Variants in AKT3 observed in about 807,000 individuals in gnomAD.
The protein encoded by AKT3 is AKT serine/threonine kinase 3.
In AKT3, 15 loss-of-function variants were observed where a neutral mutation model predicts 65.3. The observed-to-expected ratio is 0.23, with a 90% CI of 0.15 to 0.35. The LOEUF (loss-of-function observed/expected upper bound fraction) is 0.35, where lower values mean the gene tolerates loss of function less well. AKT3 is among the 10% of genes least tolerant of loss of function. The probability of loss-of-function intolerance (pLI) is 1.00; values close to 1 mark genes in which losing one functional copy is unlikely to be tolerated. For missense variants in AKT3, 243 were observed against 576.5 expected, an observed-to-expected ratio of 0.42 and a Z score of 5.92; for synonymous variants, 206 against 183.8, an observed-to-expected ratio of 1.12 and a Z score of -0.98.
In AKT3 at chr1:243,655,449, G is replaced by GT. The variant is rs142329695; in HGVS notation, c.284+9322dup. On this transcript the variant is annotated intron_variant, in intron 4 of 13. Transcript: ENST00000673466. ...TCCTATGAATATGATTCTATTGTCT[G>GT]TTTTTTTTTCCTCTATTATTTTGGC... 5.5e-3 allele frequency among the ~76,000 whole-genome samples: 829 copies of GT among 149,556 alleles called. 11 individuals carry two copies. Among genetic ancestry groups the GT allele is most frequent in the African/African-American group, 0.019 (779 of 40,830 alleles).
At chr1:243,829,746 T>C (rs1694385546) in intron 2 of AKT3, among the ~76,000 whole-genome samples, 2 of 152,212 alleles carry the variant, frequency 1.3e-5, no homozygotes, top group African/African-American at 2.4e-5. Flanking sequence ...CTTCACATAT[T>C]AGTGCTAGGA....
intron 2 of AKT3, among the ~76,000 whole-genome samples, chr1:243,703,450 G>C (rs1685592099): frequency 6.6e-6 from 1 of 152,056 alleles, no homozygotes; most frequent in Non-Finnish European, 1.5e-5. Flanking sequence ...TCATAACCAT[G>C]TTTTATTGAT....
At position 243,639,230 on chromosome 1, in the gene AKT3, T is replaced by C. The variant is rs570394946; in HGVS notation, c.430-1488A>G. On this transcript the variant is annotated intron_variant, in intron 5 of 13. Transcript: ENST00000673466. Reference sequence around the variant, plus strand: ...CCCATATTTATTAAGAAAAATTGAGTCTGTGGTTAAATACCTTTCATCAAA... The same window carrying C: ...CCCATATTTATTAAGAAAAATTGAGCCTGTGGTTAAATACCTTTCATCAAA... 8.5e-5 allele frequency among the ~76,000 whole-genome samples: 13 copies of C among 152,216 alleles called. No individual in the cohort carries two copies. The South Asian group carries it at 2.3e-3, about 27-fold the overall frequency.
downstream of AKT3, among the ~76,000 whole-genome samples, chr1:243,496,219 T>A (rs1315896495): frequency 2.6e-5 from 4 of 152,212 alleles, no homozygotes; most frequent in Admixed American, 2.6e-4. Context: ...GGAAATGAAC[T>A]TCTTCTCAGG....
At chr1:243,512,822 A>C (rs1267948936) in intron 12 of AKT3, among the ~76,000 whole-genome samples, 2 of 152,196 alleles carry the variant, frequency 1.3e-5, no homozygotes, top group Non-Finnish European at 2.9e-5. Context: ...GGGTAGTAAT[A>C]AAAATACAAC....
rs1312702277 is a variant in AKT3, at chr1:243,519,134, A to AATT, written c.1252-6711_1252-6709dup. ...ATCCACATCAATTTGCAAGGGAAAAAATTAATCTTGTTTGTGCCCTAATTC... is the reference window on the plus strand; with the variant it reads ...ATCCACATCAATTTGCAAGGGAAAAAATTATTAATCTTGTTTGTGCCCTAATTC... On this transcript the variant is annotated intron_variant, in intron 12 of 13. Transcript: ENST00000673466. Among the ~76,000 whole-genome samples the AATT allele has an allele frequency of 5.9e-5, 9 of 152,340 alleles. No individual in the cohort carries two copies. In the East Asian group the frequency reaches 1.3e-3, roughly 23 times the overall value.
chr1:243,691,616 GA>G (rs1276584603), intron 3 of AKT3, among the ~76,000 whole-genome samples: 2 of 151,114 alleles, frequency 1.3e-5, no homozygotes, highest in African/African-American at 4.9e-5. Context: ...ATGTGAAGGA[GA>G]AAAAAAAGGC....
intron 6 of AKT3, among the ~76,000 whole-genome samples, chr1:243,636,530 T>C (rs1679985268): frequency 6.6e-6 from 1 of 152,022 alleles, no homozygotes; most frequent in East Asian, 1.9e-4. Context: ...AATATTCCTG[T>C]CCAGAGGTTT....
chr1:243,510,764 T>C (rs900332039), intron 13 of AKT3, among the ~76,000 whole-genome samples: 1 of 152,188 alleles, frequency 6.6e-6, no homozygotes, highest in Non-Finnish European at 1.5e-5. Flanking sequence ...TGAGCAAGTT[T>C]GGATTTAGAG....
chr1:243,659,029 C>CAA (rs34859631), intron 4 of AKT3, among the ~76,000 whole-genome samples: 2 of 141,102 alleles, frequency 1.4e-5, no homozygotes, highest in African/African-American at 5.2e-5. Context: ...GACCTTGTCT[C>CAA]AAAAAAAAAA....
At chr1:243,770,232 A>T (rs1274401286) in intron 2 of AKT3, among the ~76,000 whole-genome samples, 1 of 152,188 alleles carries the variant, frequency 6.6e-6, no homozygotes, top group Non-Finnish European at 1.5e-5. Context: ...CACTCAATAA[A>T]GATTTGTGAG....
intron 8 of AKT3, among the ~76,000 whole-genome samples, chr1:243,602,422 G>A (rs951951689): frequency 3.3e-5 from 5 of 151,994 alleles, no homozygotes; most frequent in Non-Finnish European, 5.9e-5. Context: ...TGACAATAAA[G>A]ATGTTTATAT....
chr1:243,543,318 C>A (rs1249062394), intron 12 of AKT3, among the ~76,000 whole-genome samples: 1 of 152,142 alleles, frequency 6.6e-6, no homozygotes, highest in Non-Finnish European at 1.5e-5. Context: ...AATAGCTGAA[C>A]ACTGAGATAA....
At chr1:243,579,607 A>C (rs1675189113) in intron 8 of AKT3, among the ~76,000 whole-genome samples, 1 of 152,218 alleles carries the variant, frequency 6.6e-6, no homozygotes, top group Non-Finnish European at 1.5e-5. Context: ...CCTTTAAAAA[A>C]ATGGATGAGG....
chr1:243,553,001 T>C, intron 10 of AKT3, 58 bp from the exon 11 acceptor site: 1 of 1,311,140 alleles, frequency 7.6e-7, no homozygotes, highest in Non-Finnish European at 1.1e-6. Context: ...AAAGCATTAT[T>C]CATAAAACAT....
chr1:243,843,186 A>G lies in AKT3; in HGVS notation c.-16T>C, dbSNP rs1239966386. 1 of 1,611,356 alleles carries G rather than the reference A, an allele frequency of 6.2e-7. No homozygotes were observed. Among genetic ancestry groups the G allele is most frequent in the Non-Finnish European group, 8.5e-7 (1 of 1,178,700 alleles). On this transcript the variant is annotated 5_prime_UTR_variant, in exon 2 of 14. Coordinates refer to ENST00000673466, the MANE Select transcript of AKT3 (RefSeq NM_005465.7). ...CATCGCTCATGATGACTCCCCTCTG[A>G]GCCCCCAACTTGGAGAAATGGTACT...
chr1:243,799,179 T>C (rs556586728), intron 2 of AKT3, among the ~76,000 whole-genome samples: 2 of 152,086 alleles, frequency 1.3e-5, no homozygotes, highest in East Asian at 1.9e-4. Flanking sequence ...AATGGGGCTG[T>C]GGAAGGTAGG....
intron 12 of AKT3, among the ~76,000 whole-genome samples, chr1:243,521,262 C>G (rs1670701918): frequency 1.3e-5 from 2 of 152,134 alleles, no homozygotes; most frequent in Admixed American, 1.3e-4. Context: ...TAGATGTTTG[C>G]AGTAAAGAAT....
rs528120936 is a variant in AKT3, at chr1:243,577,809, CAG to C, written c.697-4763_697-4762del. Among the ~76,000 whole-genome samples the C allele has an allele frequency of 1.4e-3, 218 of 151,972 alleles. 1 individual carries two copies. Among genetic ancestry groups the C allele is most frequent in the Admixed American group, 0.011 (162 of 15,262 alleles). Reference sequence around the variant, plus strand: ...AGCCATCTGACAAAGGTCTAATATCCAGAGTCTACAAGGAACTTAAACAAATT... The same window carrying C: ...AGCCATCTGACAAAGGTCTAATATCCAGTCTACAAGGAACTTAAACAAATT... On this transcript the variant is annotated intron_variant, in intron 8 of 13. Coordinates refer to ENST00000673466, the MANE Select transcript of AKT3 (RefSeq NM_005465.7).
Sources: gnomAD v4.1 joint callset for allele counts (sites outside exome capture counted in the v4.1 genomes callset) on GRCh38, gnomAD v4.1.1 for gene constraint, MANE v1.5 for transcripts, NCBI Gene and HGNC (gene_info 2026-07-23, HGNC 2026-07-21) for gene names.